COL5A2: variants seen among roughly 807,000 people sequenced by gnomAD.
The protein encoded by COL5A2 is collagen type V alpha 2 chain.
COL5A2 carries 23 observed loss-of-function variants against 208.2 expected under a neutral mutation model. The observed-to-expected ratio is 0.11, with a 90% CI of 0.08 to 0.16. The LOEUF (loss-of-function observed/expected upper bound fraction) is 0.16, where lower values mean the gene tolerates loss of function less well. Ranked by LOEUF, COL5A2 falls within the 10% of genes least tolerant of loss-of-function variation. COL5A2 has a pLI of 1.00. For synonymous variants in COL5A2, 625 were observed against 628.5 expected (o/e 0.99, Z 0.08); for missense variants, 1,590 against 1,956.4 (o/e 0.81, Z 3.53).
chr2:189,064,137 A>G, intron 25 of COL5A2, 104 bp from the exon 26 acceptor site: 1 of 876,666 alleles, frequency 1.1e-6, no homozygotes, highest in Non-Finnish European at 1.8e-6. Context: ...GAATAGAATG[A>G]CATTTCTGTA....
intron 1 of COL5A2, among the ~76,000 whole-genome samples, chr2:189,120,686 T>C (rs1257347553): frequency 2.0e-5 from 3 of 152,158 alleles, no homozygotes; most frequent in African/African-American, 7.2e-5. Context: ...TCTGGATACA[T>C]AGCAGAGAGA....
At chr2:189,304,096 C>G in the COL5A2 span, among the ~76,000 whole-genome samples, 1 of 152,108 alleles carries the variant, frequency 6.6e-6, no homozygotes, top group Non-Finnish European at 1.5e-5. Flanking sequence ...GTATGTATAA[C>G]TATGAGTTTT....
At chr2:189,417,687 G>C in the COL5A2 span, among the ~76,000 whole-genome samples, 9 of 152,044 alleles carry the variant, frequency 5.9e-5, no homozygotes, top group East Asian at 1.7e-3. Flanking sequence ...ATGAGAATAT[G>C]AGATATTTGT....
chr2:189,238,932 GTAA>G, the COL5A2 span, among the ~76,000 whole-genome samples: 1 of 152,072 alleles, frequency 6.6e-6, no homozygotes, highest in African/African-American at 2.4e-5. Flanking sequence ...TTTAAAAAGG[GTAA>G]TAATTACTTA....
chr2:189,079,542 A>G (rs1259213624), intron 14 of COL5A2, among the ~76,000 whole-genome samples: 1 of 152,194 alleles, frequency 6.6e-6, no homozygotes, highest in Non-Finnish European at 1.5e-5. Flanking sequence ...ATTCCTTTAT[A>G]CTTCCTTGAT....
intron 1 of COL5A2, among the ~76,000 whole-genome samples, chr2:189,199,802 A>T (rs752093896): frequency 1.3e-5 from 2 of 152,256 alleles, no homozygotes; most frequent in Non-Finnish European, 1.5e-5. Context: ...AGGAAGCAAC[A>T]TAAGTGTACT....
chr2:189,244,752 C>T, the COL5A2 span, among the ~76,000 whole-genome samples: 1 of 152,326 alleles, frequency 6.6e-6, no homozygotes, highest in South Asian at 2.1e-4. Flanking sequence ...GTTGCTTCCA[C>T]ATTTTTGGGT....
chr2:189,199,451 T>C (rs1689044758), intron 1 of COL5A2, among the ~76,000 whole-genome samples: 1 of 152,126 alleles, frequency 6.6e-6, no homozygotes, highest in East Asian at 1.9e-4. Flanking sequence ...CATATAAAAA[T>C]GTCCATCATA....
Position 189,092,330 on chromosome 2 carries a change from C to T in COL5A2, c.547G>A (p.Gly183Arg). 1.2e-6 allele frequency: 2 copies of T among 1,608,618 alleles called. No individual in the cohort carries two copies. Among genetic ancestry groups the T allele is most frequent in the Non-Finnish European group, 1.7e-6 (2 of 1,177,282 alleles). ...CTCACCCTGCTCAAGCCATCGGGTC[C>T]TGGGTGGGACGGATGTCCAGGAGGT... ...PGPPGHPSHPGPDGLSRPFSA... is the reference protein window; with the variant it reads ...PGPPGHPSHPRPDGLSRPFSA... The change falls in exon 7 of 54, where the codon GGA (glycine) becomes AGA (arginine). Residue 183 changes from glycine to arginine, a missense_variant. By Grantham distance (125) the Gly-to-Arg change is moderately radical (BLOSUM62 -2). Coordinates refer to ENST00000374866, the MANE Select transcript of COL5A2 (RefSeq NM_000393.5).
the COL5A2 span, among the ~76,000 whole-genome samples, chr2:189,335,903 G>C: frequency 6.6e-6 from 1 of 152,084 alleles, no homozygotes; most frequent in Non-Finnish European, 1.5e-5. Context: ...GAGTGAATTT[G>C]ATGGGATGTG....
At chr2:189,334,547 T>C in the COL5A2 span, among the ~76,000 whole-genome samples, 1 of 151,978 alleles carries the variant, frequency 6.6e-6, no homozygotes, top group Non-Finnish European at 1.5e-5. Context: ...TCAAGATCTT[T>C]ATTAAAAAAA....
At chr2:189,232,436 A>T in the COL5A2 span, among the ~76,000 whole-genome samples, 1 of 151,738 alleles carries the variant, frequency 6.6e-6, no homozygotes, top group Non-Finnish European at 1.5e-5. Context: ...GTTATAAAAC[A>T]CTGTATGATA....
chr2:189,266,917 G>C, the COL5A2 span, among the ~76,000 whole-genome samples: 1 of 151,364 alleles, frequency 6.6e-6, no homozygotes, highest in Non-Finnish European at 1.5e-5. Context: ...AAAATTCTTG[G>C]ACAGTTAACA....
the COL5A2 span, among the ~76,000 whole-genome samples, chr2:189,365,207 A>C: frequency 1.3e-5 from 2 of 152,162 alleles, no homozygotes; most frequent in Non-Finnish European, 2.9e-5. Context: ...TTGTTTTAAA[A>C]GGGCTGCCAA....
At chr2:189,139,943 C>T (rs75441135) in intron 1 of COL5A2, among the ~76,000 whole-genome samples, 27,189 of 151,820 alleles carry the variant, frequency 0.18, 2,847 homozygotes, top group Non-Finnish European at 0.23. Flanking sequence ...CATGGTGGCG[C>T]GCACCTGTAG....
the COL5A2 span, among the ~76,000 whole-genome samples, chr2:189,316,276 C>T: frequency 6.6e-6 from 1 of 151,994 alleles, no homozygotes; most frequent in African/African-American, 2.4e-5. Context: ...TACTATGCAG[C>T]CATGAAAAGG....
At chr2:189,064,244 C>T (rs2105593334) in intron 25 of COL5A2, among the ~76,000 whole-genome samples, 1 of 146,000 alleles carries the variant, frequency 6.8e-6, no homozygotes, top group South Asian at 2.2e-4. Flanking sequence ...AGTATATTTA[C>T]AAATATTTAT....
At chr2:189,299,712 G>A in the COL5A2 span, among the ~76,000 whole-genome samples, 6 of 152,140 alleles carry the variant, frequency 3.9e-5, no homozygotes, top group African/African-American at 1.4e-4. Context: ...ATATTTCAGT[G>A]TTGGAGGAGA....
chr2:189,038,431 T>C (rs567537933), intron 51 of COL5A2, among the ~76,000 whole-genome samples: 2 of 152,296 alleles, frequency 1.3e-5, no homozygotes, highest in South Asian at 4.1e-4. Flanking sequence ...CAATCTACCA[T>C]TGATGGGCAT....
Sources: allele counts gnomAD v4.1 joint callset (sites outside exome capture counted in the v4.1 genomes callset), GRCh38; gene constraint gnomAD v4.1.1; transcripts MANE v1.5; gene names NCBI Gene and HGNC (gene_info 2026-07-23, HGNC 2026-07-21).